The following DNAJB6 variants were observed in gnomAD, a reference collection of about 807,000 sequenced individuals.
DNAJB6 encodes the protein dnaJ homolog subfamily B member 6.
Under a neutral mutation model 42.7 loss-of-function variants are expected in DNAJB6, and 16 were observed. That is an observed-to-expected ratio of 0.37 (90% CI 0.25 to 0.57). The LOEUF (loss-of-function observed/expected upper bound fraction) is 0.57, where lower values mean the gene tolerates loss of function less well. Among genes scored for constraint, DNAJB6 ranks in the 20% least tolerant of loss-of-function variants. The pLI is 0.74. For missense variants in DNAJB6, 347 were observed against 416.8 expected (o/e 0.83, Z 1.46); for synonymous variants, 170 against 163.5 (o/e 1.04, Z -0.30).
chr7:157,355,593 A>C (rs1198808960), intron 1 of DNAJB6, among the ~76,000 whole-genome samples: 3 of 152,060 alleles, frequency 2.0e-5, no homozygotes, highest in Non-Finnish European at 4.4e-5. Context: ...TACTGACCTT[A>C]AATAAGAGCC....
intron 8 of DNAJB6, among the ~76,000 whole-genome samples, chr7:157,406,166 G>C (rs578123456): frequency 6.6e-6 from 1 of 152,242 alleles, no homozygotes; most frequent in South Asian, 2.1e-4. Context: ...CTGTGTCCCA[G>C]CCGTGAGGCG....
intron 8 of DNAJB6, among the ~76,000 whole-genome samples, chr7:157,405,455 C>T (rs1383360514): frequency 1.3e-5 from 2 of 152,198 alleles, no homozygotes; most frequent in African/African-American, 4.8e-5. Context: ...AGCCCCAGCT[C>T]CTTCCTCCTC....
intron 8 of DNAJB6, among the ~76,000 whole-genome samples, chr7:157,406,611 G>A (rs1294751456): frequency 1.3e-5 from 2 of 152,170 alleles, no homozygotes; most frequent in African/African-American, 2.4e-5. Context: ...ATCCACAGGA[G>A]CCAGGCTGCC....
At chr7:157,402,097 G>C (rs537435723) in intron 8 of DNAJB6, among the ~76,000 whole-genome samples, 1 of 152,336 alleles carries the variant, frequency 6.6e-6, no homozygotes, top group Non-Finnish European at 1.5e-5. Flanking sequence ...GCCGCACTCC[G>C]CATTGATAAC....
intron 1 of DNAJB6, among the ~76,000 whole-genome samples, chr7:157,346,042 T>G (rs1220721684): frequency 3.3e-5 from 5 of 151,888 alleles, no homozygotes; most frequent in Non-Finnish European, 7.4e-5. Context: ...GGGCCCACAT[T>G]TTTCTGGGAT....
chr7:157,394,204 G>T (rs962040747), intron 8 of DNAJB6, among the ~76,000 whole-genome samples: 5 of 152,074 alleles, frequency 3.3e-5, no homozygotes, highest in African/African-American at 1.2e-4. Flanking sequence ...CTTCTAAGTC[G>T]TTCTTTTAAA....
chr7:157,349,035 C>G (rs1798835772), intron 1 of DNAJB6, among the ~76,000 whole-genome samples: 1 of 152,098 alleles, frequency 6.6e-6, no homozygotes, highest in African/African-American at 2.4e-5. Context: ...GCATATTTGT[C>G]TTTTTAAATT....
chr7:157,402,152 G>T (rs1018348333), intron 8 of DNAJB6, among the ~76,000 whole-genome samples: 1 of 152,182 alleles, frequency 6.6e-6, no homozygotes, highest in African/African-American at 2.4e-5. Context: ...ATAGAGATGG[G>T]GTCTCCCTAT....
At chr7:157,403,588 C>T (rs894013376) in intron 8 of DNAJB6, among the ~76,000 whole-genome samples, 12 of 152,206 alleles carry the variant, frequency 7.9e-5, no homozygotes, top group African/African-American at 2.9e-4. Context: ...CCTCCCAGCT[C>T]AGCCTCCTGA....
At chr7:157,347,414 C>T (rs957933942) in intron 1 of DNAJB6, among the ~76,000 whole-genome samples, 3 of 152,098 alleles carry the variant, frequency 2.0e-5, no homozygotes, top group Non-Finnish European at 4.4e-5. Context: ...GGTATGTTGC[C>T]CAGGTTGAAC....
chr7:157,369,217 C>G, intron 5 of DNAJB6: 1 of 452,508 alleles, frequency 2.2e-6, no homozygotes, highest in South Asian at 1.6e-5. Context: ...CAAGAAAGAA[C>G]CATGTTTACA....
At chr7:157,382,098 C>A in intron 5 of DNAJB6, 148 bp from the exon 6 acceptor site, 3 of 722,176 alleles carry the variant, frequency 4.2e-6, no homozygotes, top group Non-Finnish European at 6.3e-6. Context: ...GTTTCAGTTA[C>A]TCTGTAGATA....
At chr7:157,412,165 G>A (rs997497317) in intron 9 of DNAJB6, 1 of 152,208 alleles carries the variant, frequency 6.6e-6, no homozygotes, top group African/African-American at 2.4e-5. Flanking sequence ...AGATGACAAA[G>A]CTGACTCAAA....
intron 1 of DNAJB6, 60 bp from the exon 2 acceptor site, chr7:157,358,487 A>G (rs1441369477): frequency 9.0e-6 from 10 of 1,112,398 alleles, no homozygotes; most frequent in Admixed American, 1.7e-5. Context: ...GACCCATCCC[A>G]CCACCGTGAT....
At chr7:157,412,958 C>T (rs1446362295) in intron 9 of DNAJB6, 1 of 152,266 alleles carries the variant, frequency 6.6e-6, no homozygotes, top group Non-Finnish European at 1.5e-5. Context: ...CTCCTTGTGT[C>T]TGGTGTGATT....
Position 157,416,156 on chromosome 7 carries a change from T to C in DNAJB6, c.*58T>C, listed in dbSNP as rs551156852. 12 of 1,582,998 alleles carry C rather than the reference T, an allele frequency of 7.6e-6. No homozygotes were observed. The Admixed American group carries it at 1.7e-4, about 22-fold the overall frequency. ...CGCTGGCGCTCCACCGTGCTCGGCATGCGGTCGTGCACACGCGCTAGGTAG... is the reference window on the plus strand; with the variant it reads ...CGCTGGCGCTCCACCGTGCTCGGCACGCGGTCGTGCACACGCGCTAGGTAG... On this transcript the variant is annotated 3_prime_UTR_variant, in exon 10 of 10. Transcript: ENST00000262177.
chr7:157,363,719 C>CA (rs1799718083), intron 3 of DNAJB6, among the ~76,000 whole-genome samples: 1 of 152,172 alleles, frequency 6.6e-6, no homozygotes, highest in South Asian at 2.1e-4. Context: ...GGGGATGGAA[C>CA]ATACAGCTAA....
intron 1 of DNAJB6, among the ~76,000 whole-genome samples, chr7:157,341,556 AGT>A (rs1429217045): frequency 2.0e-5 from 3 of 152,178 alleles, no homozygotes; most frequent in Non-Finnish European, 2.9e-5. Flanking sequence ...TTAAATTAAA[AGT>A]GTGTTTTATA....
At chr7:157,391,260 C>A (rs12534343) in intron 8 of DNAJB6, among the ~76,000 whole-genome samples, 44,542 of 152,146 alleles carry the variant, frequency 0.29, 7,413 homozygotes, top group South Asian at 0.43. Context: ...TTCGTACACA[C>A]ATTTCTGCCA....
Sources: allele counts gnomAD v4.1 joint callset (sites outside exome capture counted in the v4.1 genomes callset), GRCh38; gene constraint gnomAD v4.1.1; transcripts MANE v1.5; gene names NCBI Gene and HGNC (gene_info 2026-07-23, HGNC 2026-07-21).